The following MCU variants were observed in gnomAD, a reference collection of about 807,000 sequenced individuals.
The protein encoded by MCU is mitochondrial calcium uniporter.
Under a neutral mutation model 45.2 loss-of-function variants are expected in MCU, and 12 were observed. The ratio of observed to expected loss-of-function variants is 0.27; its 90% CI spans 0.17 to 0.43. The LOEUF is 0.43. Among genes scored for constraint, MCU ranks in the 20% least tolerant of loss-of-function variants. MCU has a pLI of 1.00. For missense variants in MCU, 324 were observed against 436.7 expected, an observed-to-expected ratio of 0.74 and a Z score of 2.30; for synonymous variants, 160 against 165.1, an observed-to-expected ratio of 0.97 and a Z score of 0.24.
At chr10:72,744,231 CTT>C (rs76110060) in intron 1 of MCU, among the ~76,000 whole-genome samples, 1 of 109,508 alleles carries the variant, frequency 9.1e-6, no homozygotes. Context: ...TCCAAAGATG[CTT>C]TTTTTTTTTT....
intron 5 of MCU, among the ~76,000 whole-genome samples, chr10:72,869,510 C>T (rs1845507545): frequency 6.6e-6 from 1 of 152,188 alleles, no homozygotes; most frequent in Non-Finnish European, 1.5e-5. Context: ...ATCACTTGAA[C>T]CTGGGAGGTG....
chr10:72,787,960 A>G (rs1294287713), intron 1 of MCU, among the ~76,000 whole-genome samples: 5 of 151,790 alleles, frequency 3.3e-5, no homozygotes, highest in South Asian at 4.2e-4. Context: ...CAGGTGATCC[A>G]TCCGCCTCGG....
intron 1 of MCU, among the ~76,000 whole-genome samples, chr10:72,790,966 T>G (rs955833346): frequency 2.0e-5 from 3 of 152,224 alleles, no homozygotes; most frequent in Admixed American, 6.5e-5. Flanking sequence ...TTGAAAGCCT[T>G]GCTCTATTCG....
Position 72,860,488 on chromosome 10 carries a change from A to G in MCU, c.457A>G (p.Ile153Val), listed in dbSNP as rs1336392087. The change falls in exon 4 of 8, where the codon ATT (isoleucine) becomes GTT (valine). Residue 153 changes from isoleucine (I) to valine (V), a missense_variant. Transcript: ENST00000373053. ...CCTCCTTGATGACTTTAAGCTGGTC[A>G]TTAATGACTTAACATACCACGTACG... ...LLLLDDFKLV[I>V]NDLTYHVRPP... The G allele has an allele frequency of 6.2e-7, 1 of 1,614,098 alleles. No homozygotes were observed. The highest frequency in any genetic ancestry group is 8.5e-7 in the Non-Finnish European group (1 of 1,179,982).
At position 72,704,704 on chromosome 10, in the gene MCU, ATTTTTTTTTT is replaced by A. The variant is rs1162093579; in HGVS notation, c.150+12422_150+12431del. Reference sequence around the variant, plus strand: ...AGGCATGCACTGTCATGCCTGGATAATTTTTTTTTTTTTTTTTTTTTTTTTTTTGAGACGG... The same window carrying A: ...AGGCATGCACTGTCATGCCTGGATAATTTTTTTTTTTTTTTTTTGAGACGG... On this transcript the variant is annotated intron_variant, in intron 1 of 7. Coordinates refer to ENST00000373053, the MANE Select transcript of MCU (RefSeq NM_138357.3). Among the ~76,000 whole-genome samples the A allele has an allele frequency of 1.4e-3, 145 of 106,734 alleles. 1 individual carries two copies. The Middle Eastern group carries it at 0.015, about 11-fold the overall frequency. 70.0% of individuals were successfully genotyped at this position (106,734 alleles called of 152,430 possible).
At chr10:72,713,911 C>CAG (rs1287171035) in intron 1 of MCU, among the ~76,000 whole-genome samples, 1 of 151,194 alleles carries the variant, frequency 6.6e-6, no homozygotes, top group African/African-American at 2.4e-5. Flanking sequence ...TCCGGACACA[C>CAG]AGAGATGGGG....
At chr10:72,711,261 A>G (rs1842890797) in intron 1 of MCU, among the ~76,000 whole-genome samples, 1 of 149,656 alleles carries the variant, frequency 6.7e-6, no homozygotes, top group South Asian at 2.1e-4. Flanking sequence ...CCCTTTGTCA[A>G]CCAGGCTGGA....
intron 1 of MCU, among the ~76,000 whole-genome samples, chr10:72,760,037 TA>T (rs1271910771): frequency 8.6e-6 from 1 of 115,644 alleles, no homozygotes; most frequent in East Asian, 2.0e-4. Flanking sequence ...TTAAATTCTG[TA>T]AAACTTTAAA....
At chr10:72,804,022 ATAT>A (rs2132786522) in intron 1 of MCU, among the ~76,000 whole-genome samples, 1 of 6,202 alleles carries the variant, frequency 1.6e-4, no homozygotes, top group Non-Finnish European at 3.4e-4. Context: ...AAGTAAATAT[ATAT>A]ATATATATAT....
intron 1 of MCU, among the ~76,000 whole-genome samples, chr10:72,716,156 T>C (rs1005486476): frequency 7.9e-5 from 12 of 152,266 alleles, no homozygotes; most frequent in African/African-American, 2.9e-4. Flanking sequence ...GGACAGAGTT[T>C]AGTTGTTACA....
At chr10:72,827,943 G>A (rs773248278) in intron 1 of MCU, among the ~76,000 whole-genome samples, 3 of 152,152 alleles carry the variant, frequency 2.0e-5, no homozygotes, top group Non-Finnish European at 2.9e-5. Flanking sequence ...TAGATTAGAA[G>A]TAGTAAATGT....
At chr10:72,882,071 C>T (rs553475411) in intron 6 of MCU, among the ~76,000 whole-genome samples, 95 of 152,282 alleles carry the variant, frequency 6.2e-4, no homozygotes, top group African/African-American at 2.0e-3. Context: ...TAATTTCTTA[C>T]GCCTGTCTTT....
intron 2 of MCU, among the ~76,000 whole-genome samples, chr10:72,841,290 TAAC>T (rs971283671): frequency 6.6e-6 from 1 of 152,052 alleles, no homozygotes; most frequent in Non-Finnish European, 1.5e-5. Context: ...TTTGCCAAAA[TAAC>T]TACCAGAAAA....
chr10:72,705,032 T>A (rs1266741784), intron 1 of MCU, among the ~76,000 whole-genome samples: 1 of 152,024 alleles, frequency 6.6e-6, no homozygotes, highest in African/African-American at 2.4e-5. Flanking sequence ...TGCATAATTT[T>A]AAAATTTTTT....
chr10:72,786,248 A>G (rs550432145), intron 1 of MCU, among the ~76,000 whole-genome samples: 58 of 152,254 alleles, frequency 3.8e-4, no homozygotes, highest in African/African-American at 1.4e-3. Context: ...ACTTGAACAC[A>G]TCAACATAGA....
At chr10:72,794,302 A>G (rs1253767116) in intron 1 of MCU, among the ~76,000 whole-genome samples, 3 of 152,178 alleles carry the variant, frequency 2.0e-5, no homozygotes, top group Non-Finnish European at 2.9e-5. Flanking sequence ...AGACCCTCCC[A>G]TTCAAATAGG....
intron 1 of MCU, among the ~76,000 whole-genome samples, chr10:72,799,107 A>G (rs1589466204): frequency 6.6e-6 from 1 of 151,704 alleles, no homozygotes; most frequent in Admixed American, 6.6e-5. Flanking sequence ...TTGTATTTTT[A>G]GTAGAGACGG....
chr10:72,788,925 T>G (rs1353474758), intron 1 of MCU, among the ~76,000 whole-genome samples: 1 of 152,188 alleles, frequency 6.6e-6, no homozygotes, highest in Non-Finnish European at 1.5e-5. Context: ...GCTGGATATA[T>G]CTGAATCCCT....
chr10:72,819,816 AT>A (rs2132813826), intron 1 of MCU, among the ~76,000 whole-genome samples: 1 of 149,040 alleles, frequency 6.7e-6, no homozygotes, highest in Admixed American at 6.8e-5. Flanking sequence ...TCCTATGGAC[AT>A]TCTTCTACAT....
Sources: gnomAD v4.1 joint callset for allele counts (sites outside exome capture counted in the v4.1 genomes callset) on GRCh38, gnomAD v4.1.1 for gene constraint, MANE v1.5 for transcripts, NCBI Gene and HGNC (gene_info 2026-07-23, HGNC 2026-07-21) for gene names.